The following CALN1 variants were observed in gnomAD, a reference collection of about 807,000 sequenced individuals.
CALN1 encodes calcium-binding protein 8.
In CALN1, 17 loss-of-function variants were observed where a neutral mutation model predicts 30.6. The observed-to-expected ratio is 0.56, with a 90% confidence interval of 0.38 to 0.83. The LOEUF (loss-of-function observed/expected upper bound fraction) is 0.83. Ranked by LOEUF, CALN1 falls within the 40% of genes least tolerant of loss-of-function variation. CALN1 has a pLI of 0.00. For synonymous variants in CALN1, 156 were observed against 131.4 expected, an observed-to-expected ratio of 1.19 and a Z score of -1.28; for missense variants, 291 against 354.9, an observed-to-expected ratio of 0.82 and a Z score of 1.45.
chr7:72,365,458 T>C (rs1260194254), intron 2 of CALN1, among the ~76,000 whole-genome samples: 1 of 152,184 alleles, frequency 6.6e-6, no homozygotes, highest in Non-Finnish European at 1.5e-5. Context: ...AAAATGTTTA[T>C]TTTTTGAATA....
chr7:71,875,658 C>T (rs990096404), intron 5 of CALN1, among the ~76,000 whole-genome samples: 3 of 152,094 alleles, frequency 2.0e-5, no homozygotes, highest in African/African-American at 7.2e-5. Context: ...CCATCAGGAG[C>T]TATGTATCTG....
intron 3 of CALN1, among the ~76,000 whole-genome samples, chr7:72,199,188 T>C (rs961969240): frequency 5.9e-5 from 9 of 152,134 alleles, no homozygotes; most frequent in African/African-American, 1.4e-4. Flanking sequence ...GGCAGGAGAA[T>C]TGTTTGAACC....
chr7:71,980,187 CTTT>C (rs60273576), intron 5 of CALN1, among the ~76,000 whole-genome samples: 9 of 107,244 alleles, frequency 8.4e-5, no homozygotes, highest in Admixed American at 1.9e-4. Flanking sequence ...TCTTCTTTTT[CTTT>C]TTTTTTTTTT....
intron 5 of CALN1, among the ~76,000 whole-genome samples, chr7:71,966,121 T>C (rs537005296): frequency 6.6e-6 from 1 of 152,212 alleles, no homozygotes; most frequent in African/African-American, 2.4e-5. Context: ...CAAGACCAGA[T>C]AACAAATAGT....
intron 4 of CALN1, among the ~76,000 whole-genome samples, chr7:72,035,360 A>C (rs1385843135): frequency 6.6e-6 from 1 of 150,796 alleles, no homozygotes; most frequent in Non-Finnish European, 1.5e-5. Context: ...TGCAAGTAGA[A>C]TCATGTCCTT....
intron 2 of CALN1, among the ~76,000 whole-genome samples, chr7:72,343,416 C>T (rs1308215058): frequency 5.3e-5 from 8 of 151,940 alleles, no homozygotes; most frequent in South Asian, 2.1e-4. Context: ...GGCATGGTGG[C>T]GCATGCCTGT....
chr7:71,819,581 A>C (rs975132277), intron 5 of CALN1, among the ~76,000 whole-genome samples: 17 of 152,184 alleles, frequency 1.1e-4, no homozygotes, highest in African/African-American at 3.1e-4. Context: ...ACTTCTCTCC[A>C]GAAGTCCTTC....
At chr7:72,289,359 C>G (rs1798317100) in intron 2 of CALN1, among the ~76,000 whole-genome samples, 1 of 152,180 alleles carries the variant, frequency 6.6e-6, no homozygotes, top group African/African-American at 2.4e-5. Flanking sequence ...AGGCCAATAA[C>G]TATTTTCCAG....
intron 4 of CALN1, among the ~76,000 whole-genome samples, chr7:72,054,893 G>A (rs189252361): frequency 6.6e-6 from 1 of 151,898 alleles, no homozygotes; most frequent in Non-Finnish European, 1.5e-5. Flanking sequence ...ATGTGCTCTG[G>A]AAACTAAAAT....
chr7:72,159,767 C>A (rs368778977), intron 3 of CALN1, among the ~76,000 whole-genome samples: 41 of 152,160 alleles, frequency 2.7e-4, no homozygotes, highest in African/African-American at 9.9e-4. Flanking sequence ...CACTGCACTC[C>A]AGCCTGGGTG....
chr7:71,882,288 T>A (rs1285226178), intron 5 of CALN1, among the ~76,000 whole-genome samples: 1 of 152,212 alleles, frequency 6.6e-6, no homozygotes, highest in Non-Finnish European at 1.5e-5. Flanking sequence ...CTTCTCTCTA[T>A]CTACCTGGCC....
intron 3 of CALN1, among the ~76,000 whole-genome samples, chr7:72,140,387 G>C (rs13230929): frequency 0.092 from 13,383 of 145,742 alleles, 1,463 homozygotes; most frequent in East Asian, 0.39. Flanking sequence ...AGGGAGGATG[G>C]AAGAAGCGAA....
At chr7:72,155,572 G>T (rs1787606416) in intron 3 of CALN1, among the ~76,000 whole-genome samples, 1 of 152,110 alleles carries the variant, frequency 6.6e-6, no homozygotes, top group Admixed American at 6.6e-5. Context: ...ACTTGGTTAT[G>T]GCAGCCTGAG....
In CALN1 at chr7:71,897,014, C is replaced by A. The variant is rs117775164; in HGVS notation, c.502-86522G>T. On this transcript the variant is annotated intron_variant, in intron 5 of 6. Transcript: ENST00000395275. ...AGGAAATAAGGCTATGAGAAGACCC[C>A]CATCTCAGTCTAGCAGAAACTTATT... Among the ~76,000 whole-genome samples the A allele has an allele frequency of 7.1e-4, 108 of 152,176 alleles. No homozygotes were observed. In the East Asian group the frequency reaches 0.014, roughly 19 times the overall value.
chr7:72,304,832 G>A (rs998622942), intron 2 of CALN1, among the ~76,000 whole-genome samples: 4 of 152,166 alleles, frequency 2.6e-5, no homozygotes, highest in Admixed American at 1.3e-4. Flanking sequence ...GCTGAGTGAT[G>A]AACTTACTGT....
At chr7:72,188,725 C>G (rs567594479) in intron 3 of CALN1, among the ~76,000 whole-genome samples, 4 of 152,234 alleles carry the variant, frequency 2.6e-5, no homozygotes, top group South Asian at 4.2e-4. Context: ...AAATAATCAT[C>G]ATATAAATTA....
intron 2 of CALN1, among the ~76,000 whole-genome samples, chr7:72,287,609 G>C (rs918069742): frequency 6.6e-6 from 1 of 151,768 alleles, no homozygotes; most frequent in Non-Finnish European, 1.5e-5. Flanking sequence ...ACGACGCACG[G>C]CTAATTTTTT....
intron 2 of CALN1, among the ~76,000 whole-genome samples, chr7:72,353,864 TA>T (rs1803076862): frequency 6.6e-6 from 1 of 152,058 alleles, no homozygotes; most frequent in African/African-American, 2.4e-5. Context: ...ATGCCAACAA[TA>T]AACAACTGAA....
At chr7:71,799,623 A>C (rs1396873575) in intron 6 of CALN1, among the ~76,000 whole-genome samples, 2 of 151,690 alleles carry the variant, frequency 1.3e-5, no homozygotes, top group African/African-American at 4.9e-5. Context: ...CCGCCACCAT[A>C]CCCAGCTAAT....
Sources: gnomAD v4.1 joint callset for allele counts (sites outside exome capture counted in the v4.1 genomes callset) on GRCh38, gnomAD v4.1.1 for gene constraint, MANE v1.5 for transcripts, NCBI Gene and HGNC (gene_info 2026-07-23, HGNC 2026-07-21) for gene names.